Variants in RIMS2 observed in about 807,000 individuals in gnomAD.
The protein encoded by RIMS2 is regulating synaptic membrane exocytosis 2, also known as regulating synaptic membrane exocytosis protein 2.
In RIMS2, 59 loss-of-function variants were observed where a neutral mutation model predicts 174.4. The observed-to-expected ratio is 0.34, with a 90% CI of 0.27 to 0.42. The LOEUF is 0.42. Ranked by LOEUF, RIMS2 falls within the 10% of genes least tolerant of loss-of-function variation. The probability of loss-of-function intolerance (pLI) is 1.00; values close to 1 mark genes in which losing one functional copy is unlikely to be tolerated. For synonymous variants in RIMS2, 606 were observed against 572.5 expected (o/e 1.06, Z -0.84); for missense variants, 1,620 against 1,666.3 (o/e 0.97, Z 0.48).
At chr8:104,011,500 G>A (rs1428316265) in intron 17 of RIMS2, among the ~76,000 whole-genome samples, 1 of 151,858 alleles carries the variant, frequency 6.6e-6, no homozygotes, top group Non-Finnish European at 1.5e-5. Flanking sequence ...TATAAATAAT[G>A]GTCTCCTTTT....
chr8:104,022,197 C>A (rs571878043), intron 19 of RIMS2, among the ~76,000 whole-genome samples: 1 of 152,086 alleles, frequency 6.6e-6, no homozygotes, highest in African/African-American at 2.4e-5. Flanking sequence ...AAGTCAGGCC[C>A]GTCTCATAAT....
chr8:103,694,829 G>C, intron 1 of RIMS2, among the ~76,000 whole-genome samples: 1 of 152,210 alleles, frequency 6.6e-6, no homozygotes, highest in East Asian at 1.9e-4. Flanking sequence ...CTGGCACTGA[G>C]GGCATTGTAG....
At chr8:103,642,636 G>A (rs1762351095) in intron 1 of RIMS2, among the ~76,000 whole-genome samples, 1 of 151,786 alleles carries the variant, frequency 6.6e-6, no homozygotes, top group Non-Finnish European at 1.5e-5. Context: ...TATAATTTTT[G>A]TTTGTTTGAG....
At chr8:103,562,685 C>T (rs189618273) in intron 1 of RIMS2, among the ~76,000 whole-genome samples, 15 of 152,266 alleles carry the variant, frequency 9.9e-5, no homozygotes, top group East Asian at 3.9e-4. Context: ...CTCCACTAGG[C>T]GGTGCCTCAA....
At chr8:103,995,793 AG>A (rs2095054190) in intron 17 of RIMS2, among the ~76,000 whole-genome samples, 1 of 151,980 alleles carries the variant, frequency 6.6e-6, no homozygotes, top group Admixed American at 6.6e-5. Context: ...TGGGGTCTGA[AG>A]GTAGGAAGTC....
chr8:103,742,118 T>C (rs1172918746), intron 2 of RIMS2, among the ~76,000 whole-genome samples: 1 of 152,070 alleles, frequency 6.6e-6, no homozygotes, highest in Non-Finnish European at 1.5e-5. Flanking sequence ...TTTATGAATA[T>C]GAATGCTTTC....
chr8:103,695,512 C>G (rs1466153635), intron 1 of RIMS2, among the ~76,000 whole-genome samples: 1 of 151,604 alleles, frequency 6.6e-6, no homozygotes, highest in Admixed American at 6.6e-5. Context: ...TCTCTTTTTC[C>G]ATATGATACT....
At chr8:104,089,255 C>T (rs1335510187) in intron 19 of RIMS2, among the ~76,000 whole-genome samples, 4 of 151,828 alleles carry the variant, frequency 2.6e-5, no homozygotes, top group African/African-American at 9.7e-5. Flanking sequence ...CAAGACAACA[C>T]CAACCATTTC....
intron 2 of RIMS2, among the ~76,000 whole-genome samples, chr8:103,752,215 C>G (rs1192110307): frequency 2.0e-5 from 3 of 152,068 alleles, no homozygotes; most frequent in African/African-American, 7.2e-5. Flanking sequence ...GGAATCCTTT[C>G]CCCATTGCTT....
At chr8:104,110,682 A>G (rs2098165404) in intron 19 of RIMS2, among the ~76,000 whole-genome samples, 2 of 152,260 alleles carry the variant, frequency 1.3e-5, no homozygotes, top group African/African-American at 4.8e-5. Context: ...ATAAAATTGA[A>G]TCTTTTAAAT....
intron 3 of RIMS2, among the ~76,000 whole-genome samples, chr8:103,860,654 T>C (rs2099053713): frequency 6.6e-6 from 1 of 151,676 alleles, no homozygotes; most frequent in Non-Finnish European, 1.5e-5. Context: ...GTGCATACAC[T>C]AGGAGGTAAA....
intron 19 of RIMS2, among the ~76,000 whole-genome samples, chr8:104,200,639 C>T (rs957999441): frequency 7.9e-5 from 12 of 152,268 alleles, no homozygotes; most frequent in African/African-American, 2.2e-4. Flanking sequence ...CCGGGCGTGG[C>T]GCTCACGCTG....
At chr8:103,904,854 T>A (rs150586723) in intron 4 of RIMS2, among the ~76,000 whole-genome samples, 22 of 152,162 alleles carry the variant, frequency 1.4e-4, no homozygotes, top group Admixed American at 3.3e-4. Flanking sequence ...ACTTTTTTTT[T>A]AAACATTTTG....
intron 3 of RIMS2, among the ~76,000 whole-genome samples, chr8:103,785,522 G>A (rs2154435722): frequency 6.6e-6 from 1 of 152,294 alleles, no homozygotes; most frequent in East Asian, 1.9e-4. Context: ...CATCTATTGA[G>A]ATAATGATGT....
At chr8:103,977,700 C>T (rs1271479950) in intron 16 of RIMS2, among the ~76,000 whole-genome samples, 1 of 152,204 alleles carries the variant, frequency 6.6e-6, no homozygotes, top group East Asian at 1.9e-4. Flanking sequence ...ATGCCAATTG[C>T]AAGTCCCAGA....
chr8:103,616,474 C>T (rs1025775754), intron 1 of RIMS2, among the ~76,000 whole-genome samples: 1 of 152,148 alleles, frequency 6.6e-6, no homozygotes, highest in Non-Finnish European at 1.5e-5. Flanking sequence ...CAAGAATGCC[C>T]TCTCTCACCA....
chr8:103,811,506 G>A (rs1480953845), intron 3 of RIMS2, among the ~76,000 whole-genome samples: 1 of 152,046 alleles, frequency 6.6e-6, no homozygotes, highest in Non-Finnish European at 1.5e-5. Context: ...GTGCAGTGGC[G>A]TGATCTTGGC....
At chr8:103,752,866 C>A (rs1191989288) in intron 2 of RIMS2, among the ~76,000 whole-genome samples, 1 of 152,164 alleles carries the variant, frequency 6.6e-6, no homozygotes, top group Non-Finnish European at 1.5e-5. Flanking sequence ...TATATACAAT[C>A]ATGTCATCTG....
intron 3 of RIMS2, among the ~76,000 whole-genome samples, chr8:103,798,902 T>G (rs1384461957): frequency 6.6e-6 from 1 of 151,310 alleles, no homozygotes; most frequent in East Asian, 1.9e-4. Flanking sequence ...CACGAAGCCT[T>G]AAAGGTAGAA....
Sources: allele counts gnomAD v4.1 joint callset (sites outside exome capture counted in the v4.1 genomes callset), GRCh38; gene constraint gnomAD v4.1.1; transcripts MANE v1.5; gene names NCBI Gene and HGNC (gene_info 2026-07-23, HGNC 2026-07-21).